The following TMEM163 variants were observed in gnomAD, a reference collection of about 807,000 sequenced individuals.
TMEM163 encodes the protein transmembrane protein 163.
Under a neutral mutation model 29.3 loss-of-function variants are expected in TMEM163, and 17 were observed. The observed-to-expected ratio is 0.58, with a 90% confidence interval of 0.40 to 0.87. TMEM163 has a LOEUF of 0.87. Ranked by LOEUF, TMEM163 falls within the 40% of genes least tolerant of loss-of-function variation. The pLI, the probability that TMEM163 is intolerant of heterozygous loss-of-function variation, is 0.00. For synonymous variants in TMEM163, 157 were observed against 160.6 expected (o/e 0.98, Z 0.17); for missense variants, 303 against 381.5 (o/e 0.79, Z 1.71).
rs559259508 is a variant in TMEM163, at chr2:134,516,493, A to G, written c.459-13496T>C. 2.6e-5 allele frequency among the ~76,000 whole-genome samples: 4 copies of G among 151,904 alleles called. No individual in the cohort carries two copies. In the South Asian group the frequency reaches 8.3e-4, roughly 32 times the overall value. The stretch of plus-strand genomic sequence containing the variant: ...GCAGAATCACTTGAACTCAGGAGGC[A>G]GAGGTTGTAATGAGCTGAGATTGCG... On this transcript the variant is annotated intron_variant, in intron 4 of 7. Coordinates refer to ENST00000281924, the MANE Select transcript of TMEM163 (RefSeq NM_030923.5).
At chr2:134,649,172 G>A (rs775894944) in intron 2 of TMEM163, among the ~76,000 whole-genome samples, 27 of 152,108 alleles carry the variant, frequency 1.8e-4, no homozygotes, top group South Asian at 4.1e-4. Flanking sequence ...CAAAGTATAC[G>A]TATAATATAT....
intron 4 of TMEM163, among the ~76,000 whole-genome samples, chr2:134,540,416 CAGGACTGCATTTCA>C (rs1444101174): frequency 6.6e-6 from 1 of 152,244 alleles, no homozygotes; most frequent in Non-Finnish European, 1.5e-5. Flanking sequence ...AACCAAAGCC[CAGGACTGCATTTCA>C]AGTTGGAGAA....
chr2:134,550,733 C>T, intron 3 of TMEM163, 72 bp from the exon 4 acceptor site: 2 of 1,415,874 alleles, frequency 1.4e-6, no homozygotes, highest in Non-Finnish European at 2.0e-6. Context: ...CACAGGACAA[C>T]TGTGCTGTGA....
At chr2:134,626,979 G>A (rs191281585) in intron 2 of TMEM163, among the ~76,000 whole-genome samples, 10 of 152,116 alleles carry the variant, frequency 6.6e-5, no homozygotes, top group Non-Finnish European at 1.2e-4. Flanking sequence ...TTACATGCTC[G>A]CCAGCAGCGT....
At chr2:134,592,359 C>T (rs932482036) in intron 2 of TMEM163, among the ~76,000 whole-genome samples, 2 of 152,098 alleles carry the variant, frequency 1.3e-5, no homozygotes, top group Admixed American at 1.3e-4. Flanking sequence ...ATGCAAATTT[C>T]CCCACAAAAG....
chr2:134,632,835 C>T (rs1416013418), intron 2 of TMEM163, among the ~76,000 whole-genome samples: 3 of 150,262 alleles, frequency 2.0e-5, no homozygotes, highest in South Asian at 2.2e-4. Context: ...CTTTGCCTCC[C>T]GGGTTCACGC....
intron 2 of TMEM163, among the ~76,000 whole-genome samples, chr2:134,641,273 C>G (rs966420973): frequency 6.6e-6 from 1 of 152,142 alleles, no homozygotes; most frequent in Non-Finnish European, 1.5e-5. Flanking sequence ...GGTGGAATAA[C>G]TGAATAGTCG....
chr2:134,592,864 A>T (rs1276442300), intron 2 of TMEM163, among the ~76,000 whole-genome samples: 1 of 148,764 alleles, frequency 6.7e-6, no homozygotes, highest in African/African-American at 2.5e-5. Context: ...ACAGATATTA[A>T]TATAGAGATA....
intron 2 of TMEM163, among the ~76,000 whole-genome samples, chr2:134,657,153 T>C (rs1420756240): frequency 6.6e-6 from 1 of 152,208 alleles, no homozygotes; most frequent in African/African-American, 2.4e-5. Flanking sequence ...CGGAATACTT[T>C]TAGTTAGTAG....
At chr2:134,484,861 C>A (rs193209111) in intron 5 of TMEM163, among the ~76,000 whole-genome samples, 1 of 152,278 alleles carries the variant, frequency 6.6e-6, no homozygotes, top group Admixed American at 6.5e-5. Context: ...GCAACCTGCA[C>A]ATGTTACTTA....
chr2:134,504,510 C>T lies in TMEM163; in HGVS notation c.459-1513G>A, dbSNP rs190721842. On this transcript the variant is annotated intron_variant, in intron 4 of 7. Coordinates refer to ENST00000281924, the MANE Select transcript of TMEM163 (RefSeq NM_030923.5). Reference sequence around the variant, plus strand: ...GAGAACTCCACACTGCTGAAAAGTCCGCACAATTGACAGTGACAAGGACAC... The same window carrying T: ...GAGAACTCCACACTGCTGAAAAGTCTGCACAATTGACAGTGACAAGGACAC... Among the ~76,000 whole-genome samples, 34 of 152,046 alleles carry T rather than the reference C, an allele frequency of 2.2e-4. 1 individual carries two copies. Among genetic ancestry groups the T allele is most frequent in the Admixed American group, 1.2e-3 (19 of 15,276 alleles).
At chr2:134,522,829 TAA>T (rs1310555166) in intron 4 of TMEM163, among the ~76,000 whole-genome samples, 2 of 152,248 alleles carry the variant, frequency 1.3e-5, no homozygotes, top group African/African-American at 4.8e-5. Context: ...GATCTTGAAT[TAA>T]AGTCACATGC....
chr2:134,687,248 T>C (rs1274570248), intron 2 of TMEM163, among the ~76,000 whole-genome samples: 1 of 152,124 alleles, frequency 6.6e-6, no homozygotes, highest in African/African-American at 2.4e-5. Context: ...CAAAACGTGA[T>C]GGCTTTTAGA....
In TMEM163 at chr2:134,456,763, T is replaced by C. The variant is rs1356285064; in HGVS notation, c.823A>G (p.Met275Val). 1.9e-6 allele frequency: 3 copies of C among 1,613,868 alleles called. No homozygotes were observed. Among genetic ancestry groups the C allele is most frequent in the Middle Eastern group, 1.6e-4 (1 of 6,062 alleles). ...CGTGTCTGCCTCACCCTCGGCACCATGTCGATGAGGAGTCTGCAAAGACGA... is the reference window on the plus strand; with the variant it reads ...CGTGTCTGCCTCACCCTCGGCACCACGTCGATGAGGAGTCTGCAAAGACGA... ...FAYGVKLLID[M>V]VPRVRQTRHY... is the part of the protein sequence containing the mutation. Residue 275 changes from methionine (M) to valine (V), a missense_variant, in exon 8 of 8, where the codon ATG becomes GTG. Coordinates refer to ENST00000281924, the MANE Select transcript of TMEM163 (RefSeq NM_030923.5).
At chr2:134,533,183 T>G (rs1680451881) in intron 4 of TMEM163, among the ~76,000 whole-genome samples, 1 of 152,188 alleles carries the variant, frequency 6.6e-6, no homozygotes, top group African/African-American at 2.4e-5. Flanking sequence ...AATAGACTGT[T>G]AAATAAATTA....
At chr2:134,484,277 G>A (rs1022635008) in intron 5 of TMEM163, among the ~76,000 whole-genome samples, 7 of 152,158 alleles carry the variant, frequency 4.6e-5, no homozygotes, top group South Asian at 2.1e-4. Flanking sequence ...TCAGAACACC[G>A]AAGACAAACA....
intron 1 of TMEM163, among the ~76,000 whole-genome samples, chr2:134,715,001 A>T (rs1685006565): frequency 6.6e-6 from 1 of 152,194 alleles, no homozygotes. Context: ...ATGATATAAA[A>T]ATATTCCTTC....
chr2:134,593,401 G>A (rs1450778716), intron 2 of TMEM163, among the ~76,000 whole-genome samples: 1 of 119,166 alleles, frequency 8.4e-6, no homozygotes, highest in Non-Finnish European at 1.8e-5. Context: ...CTGCAGAAAA[G>A]AGCAGGCCAA....
At chr2:134,694,362 AG>A (rs1377663661) in intron 2 of TMEM163, among the ~76,000 whole-genome samples, 1 of 152,192 alleles carries the variant, frequency 6.6e-6, no homozygotes, top group Non-Finnish European at 1.5e-5. Flanking sequence ...TGACCTAAAG[AG>A]GGTAACGAAT....
Sources: gnomAD v4.1 joint callset for allele counts (sites outside exome capture counted in the v4.1 genomes callset) on GRCh38, gnomAD v4.1.1 for gene constraint, MANE v1.5 for transcripts, NCBI Gene and HGNC (gene_info 2026-07-23, HGNC 2026-07-21) for gene names.